Variants in MYH9 observed in about 807,000 individuals in gnomAD.
MYH9 encodes the protein myosin heavy chain 9.
A neutral mutation model predicts 241.9 loss-of-function variants in MYH9; 29 were observed. The observed-to-expected ratio is 0.12, with a 90% confidence interval of 0.09 to 0.16. The LOEUF (loss-of-function observed/expected upper bound fraction) is 0.16. Ranked by LOEUF, MYH9 falls within the 10% of genes least tolerant of loss-of-function variation. The pLI is 1.00. For missense variants in MYH9, 1,803 were observed against 2,595.5 expected (o/e 0.69, Z 6.63); for synonymous variants, 1,047 against 1,062.6 (o/e 0.99, Z 0.29).
chr22:36,302,275 A>G, intron 20 of MYH9: 1 of 362,414 alleles, frequency 2.8e-6, no homozygotes, highest in Non-Finnish European at 5.3e-6. Context: ...AGCCCGGACA[A>G]GTTTAAAAAT....
At chr22:36,365,833 C>T (rs1292724283) in intron 1 of MYH9, among the ~76,000 whole-genome samples, 2 of 152,198 alleles carry the variant, frequency 1.3e-5, no homozygotes, top group Non-Finnish European at 1.5e-5. Context: ...CACAATGTGA[C>T]ATACACATGC....
At chr22:36,349,538 T>C (rs2017734155) in intron 1 of MYH9, among the ~76,000 whole-genome samples, 1 of 152,178 alleles carries the variant, frequency 6.6e-6, no homozygotes, top group African/African-American at 2.4e-5. Context: ...AAGACCAGCC[T>C]GGCCAACCTG....
At chr22:36,283,873 T>C (rs1179051199) in intron 40 of MYH9, among the ~76,000 whole-genome samples, 7 of 152,182 alleles carry the variant, frequency 4.6e-5, no homozygotes, top group African/African-American at 7.2e-5. Context: ...CAAAAGACAA[T>C]AGACTTTTAG....
At chr22:36,340,987 G>A (rs1360859487) in intron 3 of MYH9, among the ~76,000 whole-genome samples, 4 of 152,104 alleles carry the variant, frequency 2.6e-5, no homozygotes, top group African/African-American at 7.2e-5. Flanking sequence ...GGAAGAACTC[G>A]AACGTGTTTC....
chr22:36,367,043 T>C (rs2040116421), intron 1 of MYH9, among the ~76,000 whole-genome samples: 1 of 152,172 alleles, frequency 6.6e-6, no homozygotes, highest in African/African-American at 2.4e-5. Context: ...CATACCACGT[T>C]AGGGGGCTCG....
At chr22:36,310,336 G>A (rs544485121) in intron 14 of MYH9, among the ~76,000 whole-genome samples, 2 of 152,130 alleles carry the variant, frequency 1.3e-5, no homozygotes, top group South Asian at 4.2e-4. Flanking sequence ...AAACGTCTGG[G>A]CTCAAACTGT....
At chr22:36,342,323 C>T (rs1019661041) in intron 2 of MYH9, among the ~76,000 whole-genome samples, 1 of 152,160 alleles carries the variant, frequency 6.6e-6, no homozygotes, top group Non-Finnish European at 1.5e-5. Context: ...CCTCTCTCCC[C>T]CTCCATTTCT....
At position 36,321,841 on chromosome 22, in the gene MYH9, A is replaced by C; in HGVS notation, c.706-20T>G. 6.2e-7 allele frequency: 1 copy of C among 1,610,132 alleles called. No homozygotes were observed. The highest frequency in any genetic ancestry group is 8.5e-7 in the Non-Finnish European group (1 of 1,176,388). ...TTTGCCCTAAGTAAGAAAGGATAGCAAGAGATCAGAGGTGCCCCTGACATG... is the reference window on the plus strand; with the variant it reads ...TTTGCCCTAAGTAAGAAAGGATAGCCAGAGATCAGAGGTGCCCCTGACATG... On this transcript the variant is annotated intron_variant, in intron 6 of 40. Coordinates refer to ENST00000216181, the MANE Select transcript of MYH9 (RefSeq NM_002473.6).
At chr22:36,368,675 G>A (rs2018046250) in intron 1 of MYH9, among the ~76,000 whole-genome samples, 1 of 152,094 alleles carries the variant, frequency 6.6e-6, no homozygotes, top group Admixed American at 6.6e-5. Flanking sequence ...GGGAGGTGGA[G>A]GAGTGTTATC....
rs771190424 is a variant in MYH9 at position 36,295,742 on chromosome 22, G to A, written c.3273-25C>T. On this transcript the variant is annotated intron_variant, in intron 25 of 40. Coordinates refer to ENST00000216181, the MANE Select transcript of MYH9 (RefSeq NM_002473.6). The surrounding 1 kb of genome is among the most constrained non-coding windows in gnomAD (Gnocchi z 4.1). ...TCTGCCAAAGCGACCAGCAACATCA[G>A]TATAAGGAGAGTTTCACCTCCAAGG... is the stretch of plus-strand genomic sequence containing the variant. The A allele has an allele frequency of 5.0e-5, 80 of 1,602,000 alleles. 1 individual carries two copies. In the Admixed American group the frequency reaches 1.3e-3, roughly 26 times the overall value.
chr22:36,377,260 C>T (rs1419660271), intron 1 of MYH9, among the ~76,000 whole-genome samples: 2 of 152,248 alleles, frequency 1.3e-5, no homozygotes, highest in East Asian at 3.9e-4. Context: ...TAGATTAAGT[C>T]ACCCAGACTG....
At chr22:36,380,456 G>A (rs5995289) in intron 1 of MYH9, among the ~76,000 whole-genome samples, 22,535 of 152,184 alleles carry the variant, frequency 0.15, 2,123 homozygotes, top group African/African-American at 0.26. Context: ...AAGAAGGCCA[G>A]GTGGCCGGGT....
In MYH9 at chr22:36,316,555, T is replaced by C. The variant is rs753698107; in HGVS notation, c.1342A>G (p.Ile448Val). 6 of 1,614,042 alleles carry C rather than the reference T, an allele frequency of 3.7e-6. No individual in the cohort carries two copies. Among genetic ancestry groups the C allele is most frequent in the South Asian group, 1.1e-5 (1 of 91,072 alleles). Residue 448 changes from isoleucine to valine, a missense_variant, in exon 12 of 41, where the codon ATC becomes GTC. Ile to Val is a conservative substitution (Grantham distance 29). Transcript: ENST00000216181. ...AAGCCGGCAATGTCCAGGATCCCGA[T>C]GAAGGAGGCGCCCTGCCTCTTGGTC... ...DKTKRQGASF[I>V]GILDIAGFEI...
At chr22:36,301,257 A>G (rs2016872426) in intron 21 of MYH9, among the ~76,000 whole-genome samples, 200 bp from the exon 22 acceptor site, 1 of 152,198 alleles carries the variant, frequency 6.6e-6, no homozygotes, top group African/African-American at 2.4e-5. Flanking sequence ...TGAGCTCCAG[A>G]GCAAGGTCCC....
chr22:36,362,226 T>C (rs1197503969), intron 1 of MYH9, among the ~76,000 whole-genome samples: 3 of 152,128 alleles, frequency 2.0e-5, no homozygotes, highest in Non-Finnish European at 4.4e-5. Flanking sequence ...AGTGATTAAA[T>C]GACACGAGAG....
At chr22:36,363,721 G>A (rs1569536940) in intron 1 of MYH9, among the ~76,000 whole-genome samples, 1 of 152,184 alleles carries the variant, frequency 6.6e-6, no homozygotes, top group Non-Finnish European at 1.5e-5. Flanking sequence ...CAGGTATGGT[G>A]GGGACGTCCC....
rs1316592834 is a variant in MYH9, at chr22:36,384,305, G to A, written c.-20+3502C>T. On this transcript the variant is annotated intron_variant, in intron 1 of 40. Coordinates refer to ENST00000216181, the MANE Select transcript of MYH9 (RefSeq NM_002473.6). ...AACAAACAAAAACCATATATGAGCC[G>A]GGCACGGTGGCTCACACCTGTAATC... Among the ~76,000 whole-genome samples, 12 of 149,976 alleles carry A rather than the reference G, an allele frequency of 8.0e-5. No homozygotes were observed. The East Asian group carries it at 1.8e-3, about 22-fold the overall frequency.
intron 1 of MYH9, among the ~76,000 whole-genome samples, chr22:36,377,158 T>C (rs899903339): frequency 1.3e-5 from 2 of 151,888 alleles, no homozygotes; most frequent in African/African-American, 4.8e-5. Flanking sequence ...AGTTACAGCA[T>C]AGGGACAGAA....
intron 19 of MYH9, 89 bp from the exon 20 acceptor site, chr22:36,302,765 G>A (rs549964897): frequency 2.6e-6 from 3 of 1,148,648 alleles, no homozygotes; most frequent in East Asian, 2.5e-5. Flanking sequence ...TTTTCTGGGG[G>A]TCTACCCTTG....
Sources: allele counts gnomAD v4.1 joint callset (sites outside exome capture counted in the v4.1 genomes callset), GRCh38; gene constraint gnomAD v4.1.1; non-coding constraint Gnocchi (gnomAD v3.1); transcripts MANE v1.5; gene names NCBI Gene and HGNC (gene_info 2026-07-23, HGNC 2026-07-21).